B3GALT1: variants seen among roughly 807,000 people sequenced by gnomAD.
B3GALT1 encodes UDP-Gal:betaGlcNAc beta 1,3-galactosyltransferase, polypeptide 1.
In B3GALT1, 10 loss-of-function variants were observed where a neutral mutation model predicts 23.2. The ratio of observed to expected loss-of-function variants is 0.43; its 90% CI spans 0.27 to 0.73. B3GALT1 has a LOEUF of 0.73. B3GALT1 is among the 30% of genes least tolerant of loss of function. B3GALT1 has a pLI of 0.21. For missense variants in B3GALT1, 299 were observed against 405.4 expected (o/e 0.74, Z 2.25); for synonymous variants, 156 against 141.5 (o/e 1.10, Z -0.73).
intron 2 of B3GALT1, among the ~76,000 whole-genome samples, chr2:167,537,187 A>G (rs1428771528): frequency 6.6e-6 from 1 of 152,144 alleles, no homozygotes; most frequent in Non-Finnish European, 1.5e-5. Context: ...GGCAGGCAGG[A>G]GAGCTTGTGC....
At chr2:167,851,052 A>T (rs955643698) in intron 4 of B3GALT1, among the ~76,000 whole-genome samples, 4 of 152,290 alleles carry the variant, frequency 2.6e-5, no homozygotes, top group Admixed American at 2.0e-4. Flanking sequence ...AATAGTGCCT[A>T]TATATACTTG....
At chr2:167,318,693 C>T (rs1308421995) in intron 1 of B3GALT1, among the ~76,000 whole-genome samples, 2 of 152,126 alleles carry the variant, frequency 1.3e-5, no homozygotes, top group African/African-American at 4.8e-5. Flanking sequence ...CAACTGCACT[C>T]GTTGGCTAAG....
chr2:167,650,949 GTA>G (rs778435956), intron 3 of B3GALT1, among the ~76,000 whole-genome samples: 2 of 152,052 alleles, frequency 1.3e-5, no homozygotes, highest in Non-Finnish European at 2.9e-5. Flanking sequence ...TCTTCCTTTA[GTA>G]TAATAAATGC....
intron 3 of B3GALT1, among the ~76,000 whole-genome samples, chr2:167,740,427 G>A (rs1213478327): frequency 1.3e-5 from 2 of 152,132 alleles, no homozygotes; most frequent in Admixed American, 1.3e-4. Flanking sequence ...CTTTGGCCCA[G>A]CTGGCATTCC....
rs184430402 is a variant in B3GALT1, at chr2:167,753,462, C to T, written c.-351-65210C>T. On this transcript the variant is annotated intron_variant, in intron 3 of 4. Coordinates refer to ENST00000392690, the MANE Select transcript of B3GALT1 (RefSeq NM_020981.4). ...GGTCCTTAAGCCATTTGGTGATCCT[C>T]CCACTTTCCATGCAGAGAGAATTCA... is the stretch of plus-strand genomic sequence containing the variant. Among the ~76,000 whole-genome samples, 500 of 152,280 alleles carry T rather than the reference C, an allele frequency of 3.3e-3. 1 individual carries two copies. Among genetic ancestry groups the T allele is most frequent in the Middle Eastern group, 0.017 (5 of 294 alleles).
chr2:167,692,653 A>G (rs1401840190), intron 3 of B3GALT1, among the ~76,000 whole-genome samples: 2 of 152,086 alleles, frequency 1.3e-5, no homozygotes, highest in East Asian at 3.9e-4. Context: ...ACTTAAACAG[A>G]TATTTTCACT....
chr2:167,433,469 CAAAG>C (rs1698734440), intron 1 of B3GALT1, among the ~76,000 whole-genome samples: 1 of 151,780 alleles, frequency 6.6e-6, no homozygotes, highest in Admixed American at 6.6e-5. Context: ...CTCTTTTTGA[CAAAG>C]GAAGAAAATG....
chr2:167,725,575 A>C (rs1238308993), intron 3 of B3GALT1, among the ~76,000 whole-genome samples: 1 of 152,228 alleles, frequency 6.6e-6, no homozygotes, highest in Non-Finnish European at 1.5e-5. Flanking sequence ...AGAAGGGCTA[A>C]AATACTTTCC....
intron 2 of B3GALT1, among the ~76,000 whole-genome samples, chr2:167,640,686 G>T (rs1344409729): frequency 6.6e-6 from 1 of 151,978 alleles, no homozygotes; most frequent in Non-Finnish European, 1.5e-5. Context: ...CATTGAATTG[G>T]ATGCCAGCAC....
intron 4 of B3GALT1, among the ~76,000 whole-genome samples, chr2:167,857,043 A>G (rs1285135038): frequency 6.6e-6 from 1 of 152,132 alleles, no homozygotes; most frequent in Non-Finnish European, 1.5e-5. Flanking sequence ...TTTTAAGGGG[A>G]AAACATTTCC....
chr2:167,558,910 C>T (rs1329275642), intron 2 of B3GALT1, among the ~76,000 whole-genome samples: 1 of 152,204 alleles, frequency 6.6e-6, no homozygotes, highest in East Asian at 1.9e-4. Flanking sequence ...CAGCAGTAAC[C>T]TCTGCAGACT....
chr2:167,539,306 A>C (rs909926382), intron 2 of B3GALT1, among the ~76,000 whole-genome samples: 1 of 152,196 alleles, frequency 6.6e-6, no homozygotes, highest in Non-Finnish European at 1.5e-5. Context: ...TCAATGAAAA[A>C]AATCTTTGTA....
chr2:167,715,090 A>G, intron 3 of B3GALT1: 17 of 1,613,282 alleles, frequency 1.1e-5, no homozygotes, highest in Middle Eastern at 3.5e-4. Flanking sequence ...AGGCTTTTAA[A>G]GAAACATTTA....
chr2:167,364,771 A>C (rs115738910), intron 1 of B3GALT1, among the ~76,000 whole-genome samples: 1 of 152,292 alleles, frequency 6.6e-6, no homozygotes, highest in Non-Finnish European at 1.5e-5. Flanking sequence ...TACATTTAGC[A>C]TAAGTGTTGA....
chr2:167,610,042 TG>T (rs1465855899), intron 2 of B3GALT1, among the ~76,000 whole-genome samples: 1 of 152,040 alleles, frequency 6.6e-6, no homozygotes, highest in Non-Finnish European at 1.5e-5. Flanking sequence ...GCTAAACTTT[TG>T]CAAAAAAAAT....
chr2:167,424,401 A>C (rs1698592343), intron 1 of B3GALT1, among the ~76,000 whole-genome samples: 1 of 152,212 alleles, frequency 6.6e-6, no homozygotes, highest in Non-Finnish European at 1.5e-5. Context: ...CGAGCATAAT[A>C]TACAAGGAAG....
At chr2:167,673,162 C>A (rs1686362230) in intron 3 of B3GALT1, among the ~76,000 whole-genome samples, 1 of 152,058 alleles carries the variant, frequency 6.6e-6, no homozygotes, top group Non-Finnish European at 1.5e-5. Flanking sequence ...GGAAAGATTC[C>A]TTTCTACCAG....
At chr2:167,717,237 TG>T (rs151248971) in intron 3 of B3GALT1, among the ~76,000 whole-genome samples, 42,662 of 150,434 alleles carry the variant, frequency 0.28, 7,595 homozygotes, top group East Asian at 0.68. Flanking sequence ...TCCTTTATAT[TG>T]ATCATAGATA....
intron 4 of B3GALT1, among the ~76,000 whole-genome samples, chr2:167,852,265 T>G (rs1185825424): frequency 6.6e-6 from 1 of 152,042 alleles, no homozygotes; most frequent in African/African-American, 2.4e-5. Flanking sequence ...GAGACACAAT[T>G]TACACATTAC....
Sources: gnomAD v4.1 joint callset for allele counts (sites outside exome capture counted in the v4.1 genomes callset) on GRCh38, gnomAD v4.1.1 for gene constraint, MANE v1.5 for transcripts, NCBI Gene and HGNC (gene_info 2026-07-23, HGNC 2026-07-21) for gene names.